The following VPS13B variants were observed in gnomAD, a reference collection of about 807,000 sequenced individuals.
VPS13B encodes the protein vacuolar protein sorting 13 homolog B.
A neutral mutation model predicts 426.4 loss-of-function variants in VPS13B; 285 were observed. The observed-to-expected ratio is 0.67, with a 90% CI of 0.61 to 0.74. The LOEUF is 0.74. Among genes scored for constraint, VPS13B ranks in the 30% least tolerant of loss-of-function variants. The pLI is 0.00. For missense variants in VPS13B, 4,537 were observed against 4,782.6 expected (o/e 0.95, Z 1.51); for synonymous variants, 1,676 against 1,676.4 (o/e 1.00, Z 0.01).
chr8:99,342,928 A>G (rs1416544454), intron 19 of VPS13B, among the ~76,000 whole-genome samples: 1 of 152,136 alleles, frequency 6.6e-6, no homozygotes, highest in East Asian at 1.9e-4. Flanking sequence ...TCTTTTTGAT[A>G]AAAGCCTTTC....
chr8:99,144,000 C>T (rs1810567274), intron 13 of VPS13B, among the ~76,000 whole-genome samples: 1 of 152,104 alleles, frequency 6.6e-6, no homozygotes, highest in East Asian at 1.9e-4. Flanking sequence ...AAAGAGCATG[C>T]CTTCCTTCTT....
chr8:99,491,687 C>G (rs1196065362), intron 25 of VPS13B, among the ~76,000 whole-genome samples: 1 of 152,140 alleles, frequency 6.6e-6, no homozygotes, highest in Non-Finnish European at 1.5e-5. Flanking sequence ...TCACGTAGTT[C>G]TCGTGCTGTG....
At chr8:99,730,678 TAGGTAC>T (rs1833558656) in intron 39 of VPS13B, among the ~76,000 whole-genome samples, 1 of 151,110 alleles carries the variant, frequency 6.6e-6, no homozygotes, top group African/African-American at 2.4e-5. Flanking sequence ...AAGGTACCTG[TAGGTAC>T]AGGTACAGGT....
intron 30 of VPS13B, among the ~76,000 whole-genome samples, chr8:99,533,113 A>G (rs949353939): frequency 4.6e-5 from 7 of 151,660 alleles, no homozygotes; most frequent in Non-Finnish European, 8.8e-5. Context: ...TAATTTTTGT[A>G]TTTTTAGTAG....
At chr8:99,124,656 G>A (rs1165255260) in intron 8 of VPS13B, among the ~76,000 whole-genome samples, 2 of 152,096 alleles carry the variant, frequency 1.3e-5, no homozygotes, top group Non-Finnish European at 2.9e-5. Context: ...GGAGGCTGAG[G>A]TGGGTGGATC....
At chr8:99,141,753 A>G (rs1395251332) in intron 12 of VPS13B, among the ~76,000 whole-genome samples, 3 of 152,016 alleles carry the variant, frequency 2.0e-5, no homozygotes, top group Non-Finnish European at 4.4e-5. Flanking sequence ...AATAAATCTA[A>G]TTAATTTTTG....
In VPS13B at chr8:99,720,572, G is replaced by A; in HGVS notation, c.6865+20G>A. 1.2e-6 allele frequency: 2 copies of A among 1,604,616 alleles called. No homozygotes were observed. Among genetic ancestry groups the A allele is most frequent in the Non-Finnish European group, 8.5e-7 (1 of 1,171,520 alleles). Reference sequence around the variant, plus strand: ...ATGCTGGTAAGTAGCAACAGACTCAGTATGAGAGTGTCTCTGTGCATGTGG... The same window carrying A: ...ATGCTGGTAAGTAGCAACAGACTCAATATGAGAGTGTCTCTGTGCATGTGG... On this transcript the variant is annotated intron_variant, in intron 38 of 61. Coordinates refer to ENST00000357162, the MANE Select transcript of VPS13B (RefSeq NM_152564.5).
At chr8:99,220,825 A>G (rs1295416730) in intron 17 of VPS13B, among the ~76,000 whole-genome samples, 18 of 119,138 alleles carry the variant, frequency 1.5e-4, no homozygotes, top group East Asian at 2.3e-4. Flanking sequence ...TTTAGGGTAC[A>G]TGTGCACATT....
At chr8:99,303,730 CAAAA>C (rs58708195) in intron 19 of VPS13B, among the ~76,000 whole-genome samples, 2 of 63,714 alleles carry the variant, frequency 3.1e-5, no homozygotes, top group Admixed American at 2.4e-4. Flanking sequence ...GACTCCGTCT[CAAAA>C]AAAAAAAAAA....
intron 54 of VPS13B, among the ~76,000 whole-genome samples, chr8:99,839,801 T>G (rs566616859): frequency 1.3e-5 from 2 of 152,364 alleles, no homozygotes; most frequent in South Asian, 2.1e-4. Context: ...AGGCTCCCAG[T>G]GTAATAGTCA....
intron 21 of VPS13B, among the ~76,000 whole-genome samples, chr8:99,418,673 A>C (rs528244478): frequency 2.0e-5 from 3 of 151,894 alleles, no homozygotes; most frequent in Non-Finnish European, 4.4e-5. Flanking sequence ...CTCAGCCTCC[A>C]GAGTAGCTGG....
chr8:99,314,548 A>C, intron 19 of VPS13B, among the ~76,000 whole-genome samples: 1 of 152,070 alleles, frequency 6.6e-6, no homozygotes, highest in East Asian at 1.9e-4. Context: ...ATTATATTGG[A>C]GTGATTGTCC....
intron 3 of VPS13B, among the ~76,000 whole-genome samples, chr8:99,072,218 C>T (rs1844888152): frequency 6.6e-6 from 1 of 152,174 alleles, no homozygotes; most frequent in Admixed American, 6.5e-5. Flanking sequence ...CTGGGTCTCA[C>T]CCCTAGACCC....
chr8:99,034,654 C>T (rs1396041651), intron 2 of VPS13B, among the ~76,000 whole-genome samples: 1 of 152,122 alleles, frequency 6.6e-6, no homozygotes, highest in Non-Finnish European at 1.5e-5. Context: ...ATATCATTTT[C>T]CAGATTTCTC....
intron 14 of VPS13B, among the ~76,000 whole-genome samples, chr8:99,154,529 A>G (rs927238143): frequency 6.6e-6 from 1 of 152,124 alleles, no homozygotes; most frequent in Non-Finnish European, 1.5e-5. Flanking sequence ...ATTTGTATAA[A>G]ATTTCCTTTA....
intron 33 of VPS13B, among the ~76,000 whole-genome samples, chr8:99,626,577 A>G (rs981449317): frequency 1.3e-5 from 2 of 152,224 alleles, no homozygotes; most frequent in African/African-American, 2.4e-5. Flanking sequence ...TTATATATCC[A>G]CTTTAAGTAG....
chr8:99,482,195 T>A (rs562710715), intron 25 of VPS13B, among the ~76,000 whole-genome samples: 208 of 152,194 alleles, frequency 1.4e-3, no homozygotes, highest in African/African-American at 4.9e-3. Context: ...TGGTTTAGAT[T>A]AGTGGTTTTC....
chr8:99,786,909 G>T (rs760864484), intron 43 of VPS13B, among the ~76,000 whole-genome samples: 1 of 152,090 alleles, frequency 6.6e-6, no homozygotes, highest in Admixed American at 6.6e-5. Flanking sequence ...ATTCTGCTGT[G>T]TTCTAATGAG....
intron 43 of VPS13B, among the ~76,000 whole-genome samples, chr8:99,787,945 T>C (rs1162347406): frequency 6.6e-6 from 1 of 152,128 alleles, no homozygotes; most frequent in African/African-American, 2.4e-5. Context: ...TTAATTGTGG[T>C]AATCAAACCA....
Sources: gnomAD v4.1 joint callset for allele counts (sites outside exome capture counted in the v4.1 genomes callset) on GRCh38, gnomAD v4.1.1 for gene constraint, MANE v1.5 for transcripts, NCBI Gene and HGNC (gene_info 2026-07-23, HGNC 2026-07-21) for gene names.